JMJD1C: variants seen among roughly 807,000 people sequenced by gnomAD.
JMJD1C encodes jumonji domain-containing protein 1C.
Under a neutral mutation model 245.3 loss-of-function variants are expected in JMJD1C, and 31 were observed. The observed-to-expected ratio is 0.13, with a 90% CI of 0.09 to 0.17. JMJD1C has a LOEUF of 0.17. JMJD1C is among the 10% of genes least tolerant of loss of function. The pLI is 1.00. For synonymous variants in JMJD1C, 1,057 were observed against 1,017.4 expected (o/e 1.04, Z -0.74); for missense variants, 2,691 against 3,000.2 (o/e 0.90, Z 2.41).
intron 1 of JMJD1C, among the ~76,000 whole-genome samples, chr10:63,424,947 T>G (rs946425452): frequency 6.6e-5 from 10 of 152,166 alleles, no homozygotes; most frequent in African/African-American, 2.4e-4. Context: ...CTATTTCTCA[T>G]GCTGAAACAT....
intron 2 of JMJD1C, among the ~76,000 whole-genome samples, chr10:63,272,654 TAAAAAG>T (rs1856441915): frequency 6.6e-6 from 1 of 152,264 alleles, no homozygotes; most frequent in Middle Eastern, 3.4e-3. Context: ...AGACATAAAA[TAAAAAG>T]AATCTATGTA....
chr10:63,231,368 C>T (rs1057352097), intron 3 of JMJD1C, among the ~76,000 whole-genome samples: 2 of 152,162 alleles, frequency 1.3e-5, no homozygotes, highest in Non-Finnish European at 2.9e-5. Flanking sequence ...CTGCAATTAG[C>T]CTGGTGGCCT....
At chr10:63,170,132 TC>T (rs1440177916) in intron 24 of JMJD1C, among the ~76,000 whole-genome samples, 2 of 152,186 alleles carry the variant, frequency 1.3e-5, no homozygotes, top group East Asian at 3.8e-4. Context: ...TATACTTGGT[TC>T]TTTTTTTATA....
chr10:63,210,631 C>T (rs1305196515), intron 8 of JMJD1C, among the ~76,000 whole-genome samples: 1 of 152,150 alleles, frequency 6.6e-6, no homozygotes, highest in East Asian at 1.9e-4. Context: ...CAGCTCTTGG[C>T]TCTCCTGTGT....
intron 18 of JMJD1C, 133 bp downstream of exon 18, chr10:63,189,035 T>A (rs1844457544): frequency 1.4e-6 from 1 of 697,342 alleles, no homozygotes; most frequent in East Asian, 2.8e-5. Flanking sequence ...TCGGTACTTT[T>A]ATATCTTATT....
chr10:63,223,445 C>T (rs1848870152), intron 3 of JMJD1C, among the ~76,000 whole-genome samples: 1 of 152,022 alleles, frequency 6.6e-6, no homozygotes, highest in African/African-American at 2.4e-5. Flanking sequence ...CCAGGCTGGT[C>T]TCAAACTCCT....
Position 63,497,006 on chromosome 10 carries a change from C to CT in JMJD1C, n.113+24731dup, listed in dbSNP as rs1954385138. On this transcript the variant is annotated intron_variant and non_coding_transcript_variant, in intron 1 of 3. Coordinates refer to the JMJD1C transcript ENST00000633035. Reference sequence around the variant, plus strand: ...CATGTAACATATGAAAGAAACAAACCTTTGTTATTGTACATGTTATCCGAA... The same window carrying CT: ...CATGTAACATATGAAAGAAACAAACCTTTTGTTATTGTACATGTTATCCGAA... 5.3e-5 allele frequency among the ~76,000 whole-genome samples: 8 copies of CT among 152,172 alleles called. No homozygotes were observed. The South Asian group carries it at 1.7e-3, about 32-fold the overall frequency.
intron 1 of JMJD1C, among the ~76,000 whole-genome samples, chr10:63,445,281 T>G (rs989407456): frequency 6.6e-6 from 1 of 152,140 alleles, no homozygotes. Context: ...TATTTGGTGA[T>G]AGATGATAGA....
At chr10:63,382,812 T>A (rs1947316348) in intron 1 of JMJD1C, 1 of 455,968 alleles carries the variant, frequency 2.2e-6, no homozygotes, top group African/African-American at 2.0e-5. Context: ...CTGAAGAGTT[T>A]CCATTTCCAC....
chr10:63,500,696 A>G (rs1954518453), intron 1 of JMJD1C, among the ~76,000 whole-genome samples: 1 of 151,804 alleles, frequency 6.6e-6, no homozygotes, highest in Non-Finnish European at 1.5e-5. Flanking sequence ...CGGGCCACTG[A>G]GCCTGGGCAA....
chr10:63,197,372 T>G (rs1845575288), intron 13 of JMJD1C, 39 bp downstream of exon 13: 1 of 1,544,080 alleles, frequency 6.5e-7, no homozygotes, highest in East Asian at 2.3e-5. Flanking sequence ...TAAAGAAAAA[T>G]TATAAAAAAC....
intron 1 of JMJD1C, among the ~76,000 whole-genome samples, chr10:63,392,122 G>GA (rs910217380): frequency 2.0e-5 from 3 of 152,018 alleles, no homozygotes; most frequent in Admixed American, 2.0e-4. Context: ...ACACATTATG[G>GA]AAAAAACAAC....
At chr10:63,388,181 C>G (rs1312478004) in intron 1 of JMJD1C, among the ~76,000 whole-genome samples, 1 of 151,964 alleles carries the variant, frequency 6.6e-6, no homozygotes, top group Non-Finnish European at 1.5e-5. Context: ...TTCCAGAGCA[C>G]CTTATAGTAA....
At chr10:63,247,440 C>T (rs1852361617) in intron 3 of JMJD1C, among the ~76,000 whole-genome samples, 1 of 151,868 alleles carries the variant, frequency 6.6e-6, no homozygotes, top group Non-Finnish European at 1.5e-5. Context: ...GGAATCAAAG[C>T]CTTAATTAAA....
At position 63,431,226 on chromosome 10, in the gene JMJD1C, C is replaced by CTT. The variant is rs774671572; in HGVS notation, c.168+34267_168+34268dup. 9.9e-5 allele frequency among the ~76,000 whole-genome samples: 15 copies of CTT among 152,144 alleles called. No individual in the cohort carries two copies. The East Asian group carries it at 1.3e-3, about 14-fold the overall frequency. On this transcript the variant is annotated intron_variant, in intron 1 of 25. Transcript: ENST00000399262. ...TATATTGACTTACAAACATTAATCA[C>CTT]TTCTGCTTTCAAAACATTTGGAGGG... is the stretch of plus-strand genomic sequence containing the variant.
At chr10:63,372,502 T>C (rs1946393404) in intron 2 of JMJD1C, among the ~76,000 whole-genome samples, 1 of 152,202 alleles carries the variant, frequency 6.6e-6, no homozygotes, top group Non-Finnish European at 1.5e-5. Flanking sequence ...TATATTGACA[T>C]GTTTAAAATT....
chr10:63,507,968 AGTC>A (rs924564162), intron 1 of JMJD1C, among the ~76,000 whole-genome samples: 15 of 152,282 alleles, frequency 9.9e-5, no homozygotes, highest in African/African-American at 3.6e-4. Context: ...TATTTTAAGT[AGTC>A]GTCGTTTATC....
intron 1 of JMJD1C, among the ~76,000 whole-genome samples, chr10:63,505,240 C>G (rs80026135): frequency 0.14 from 20,818 of 149,450 alleles, 2,068 homozygotes; most frequent in Admixed American, 0.3. Context: ...TGGCATGAAC[C>G]AGGGAGGCGG....
intron 1 of JMJD1C, among the ~76,000 whole-genome samples, chr10:63,480,200 T>G (rs1953787919): frequency 6.6e-6 from 1 of 152,072 alleles, no homozygotes. Context: ...TTGGAAAGGG[T>G]CCCATTTCAC....
Sources: allele counts gnomAD v4.1 joint callset (sites outside exome capture counted in the v4.1 genomes callset), GRCh38; gene constraint gnomAD v4.1.1; transcripts MANE v1.5; gene names NCBI Gene and HGNC (gene_info 2026-07-23, HGNC 2026-07-21).